DLGAP2: variants seen among roughly 807,000 people sequenced by gnomAD.
The protein encoded by DLGAP2 is disks large-associated protein 2.
A neutral mutation model predicts 100.3 loss-of-function variants in DLGAP2; 26 were observed. The ratio of observed to expected loss-of-function variants is 0.26; its 90% CI spans 0.19 to 0.36. The LOEUF (loss-of-function observed/expected upper bound fraction) is 0.36. Among genes scored for constraint, DLGAP2 ranks in the 10% least tolerant of loss-of-function variants. The pLI, the probability that DLGAP2 is intolerant of heterozygous loss-of-function variation, is 1.00. For missense variants in DLGAP2, 1,858 were observed against 1,453.2 expected, an observed-to-expected ratio of 1.28 and a Z score of -4.53; for synonymous variants, 886 against 630.1, an observed-to-expected ratio of 1.41 and a Z score of -6.08.
chr8:853,370 G>C (rs111492642), intron 1 of DLGAP2, among the ~76,000 whole-genome samples: 3 of 152,360 alleles, frequency 2.0e-5, no homozygotes, highest in Non-Finnish European at 2.9e-5. Flanking sequence ...CAGGAAGCTT[G>C]TGAGAGACAC....
chr8:1,181,310 C>G (rs1797382332), intron 2 of DLGAP2, among the ~76,000 whole-genome samples: 1 of 152,212 alleles, frequency 6.6e-6, no homozygotes, highest in East Asian at 1.9e-4. Context: ...GTTTCGTGGT[C>G]TGTAGAAAAA....
At chr8:1,648,853 G>T (rs2472093) in intron 8 of DLGAP2, among the ~76,000 whole-genome samples, 1 of 152,182 alleles carries the variant, frequency 6.6e-6, no homozygotes, top group Non-Finnish European at 1.5e-5. Flanking sequence ...TCCTCCCATA[G>T]AAATCTCTGA....
At chr8:1,265,841 T>A (rs559629648) in intron 3 of DLGAP2, among the ~76,000 whole-genome samples, 1 of 151,958 alleles carries the variant, frequency 6.6e-6, no homozygotes, top group Admixed American at 6.5e-5. Context: ...TAAAGGTGAA[T>A]AGAAGAGTAG....
At position 1,417,726 on chromosome 8, in the gene DLGAP2, G is replaced by GGGGGCC. The variant is rs1796967566; in HGVS notation, c.107-83640_107-83639insGGGGCC. The stretch of plus-strand genomic sequence containing the variant: ...TCCTGCCTCACTCGGCGAGGCTCCA[G>GGGGGCC]ACACAGAAGCCCACGGAGACCTATG... On this transcript the variant is annotated intron_variant, in intron 3 of 14. Coordinates refer to ENST00000637795, the MANE Select transcript of DLGAP2 (RefSeq NM_001346810.2). 1.2e-3 allele frequency among the ~76,000 whole-genome samples: 173 copies of GGGGGCC among 142,388 alleles called. 10 individuals carry two copies. The highest frequency in any genetic ancestry group is 3.8e-3 in the Middle Eastern group (1 of 264). 93.4% of individuals were successfully genotyped at this position (142,388 alleles called of 152,430 possible).
At chr8:1,365,149 A>G (rs1308532335) in intron 3 of DLGAP2, among the ~76,000 whole-genome samples, 1 of 152,194 alleles carries the variant, frequency 6.6e-6, no homozygotes, top group Non-Finnish European at 1.5e-5. Flanking sequence ...AGACAAAGCC[A>G]TCTGTGGTTC....
chr8:923,063 C>T (rs1798746877), intron 2 of DLGAP2, among the ~76,000 whole-genome samples: 1 of 152,134 alleles, frequency 6.6e-6, no homozygotes, highest in East Asian at 1.9e-4. Flanking sequence ...ATGTTAAAAG[C>T]TATGTCAAAC....
At chr8:1,513,640 T>C (rs1414908345) in intron 4 of DLGAP2, among the ~76,000 whole-genome samples, 3 of 152,238 alleles carry the variant, frequency 2.0e-5, no homozygotes, top group African/African-American at 7.2e-5. Context: ...GCCCTCCTGG[T>C]CGTGTATGTA....
chr8:1,549,063 C>T lies in DLGAP2; in HGVS notation c.610C>T (p.Arg204Trp), dbSNP rs769499098. Residue 204 changes from arginine to tryptophan, a missense_variant, in exon 5 of 15, where the codon CGG becomes TGG. Physicochemically the swap from Arg to Trp is moderately radical, Grantham distance 101 (BLOSUM62 -3). Coordinates refer to ENST00000637795, the MANE Select transcript of DLGAP2 (RefSeq NM_001346810.2). ...GTTCGAGAAGCAGCTGCCGCTGCAC[C>T]GGGACGGCTTCCACACGCTGCAGTA... Reference protein sequence around the residue: ...DQFEKQLPLHRDGFHTLQYQR... With the variant: ...DQFEKQLPLHWDGFHTLQYQR... 6.3e-7 allele frequency: 1 copy of T among 1,589,854 alleles called. No individual in the cohort carries two copies. Among genetic ancestry groups the T allele is most frequent in the Middle Eastern group, 1.7e-4 (1 of 6,044 alleles).
intron 2 of DLGAP2, among the ~76,000 whole-genome samples, chr8:1,180,733 C>T (rs1797367194): frequency 6.8e-6 from 1 of 146,560 alleles, no homozygotes; most frequent in South Asian, 2.2e-4. Context: ...GCACACTTAC[C>T]ATTGAGTCTG....
At chr8:748,967 C>T (rs918293510) in intron 1 of DLGAP2, among the ~76,000 whole-genome samples, 4 of 152,214 alleles carry the variant, frequency 2.6e-5, no homozygotes, top group South Asian at 2.1e-4. Context: ...GGTGGTATAA[C>T]GGGAGGTGAG....
chr8:1,522,783 A>T (rs549464991), intron 4 of DLGAP2, among the ~76,000 whole-genome samples: 1 of 152,194 alleles, frequency 6.6e-6, no homozygotes, highest in Non-Finnish European at 1.5e-5. Context: ...AAATAAATGA[A>T]TCAGGTTAAT....
intron 13 of DLGAP2, among the ~76,000 whole-genome samples, chr8:1,696,426 G>A (rs1380691868): frequency 3.9e-5 from 6 of 152,166 alleles, no homozygotes; most frequent in Non-Finnish European, 5.9e-5. Context: ...CTTCAGCCCA[G>A]GAGGTAGAGG....
At chr8:1,495,856 G>C (rs1169041062) in intron 3 of DLGAP2, among the ~76,000 whole-genome samples, 1 of 152,184 alleles carries the variant, frequency 6.6e-6, no homozygotes, top group Non-Finnish European at 1.5e-5. Context: ...TAAATAGCGC[G>C]TGTCCATCTG....
At chr8:1,285,479 TG>T (rs1799903054) in intron 3 of DLGAP2, among the ~76,000 whole-genome samples, 2 of 152,206 alleles carry the variant, frequency 1.3e-5, no homozygotes, top group African/African-American at 4.8e-5. Context: ...CTGGAGATGA[TG>T]GAAGGCCTGT....
intron 1 of DLGAP2, among the ~76,000 whole-genome samples, chr8:854,860 T>G (rs1221195772): frequency 1.3e-5 from 2 of 152,160 alleles, no homozygotes; most frequent in Non-Finnish European, 2.9e-5. Flanking sequence ...GCTTCCCACA[T>G]GGGAAATGCT....
At chr8:1,618,702 C>T (rs574552914) in intron 6 of DLGAP2, among the ~76,000 whole-genome samples, 19 of 152,266 alleles carry the variant, frequency 1.2e-4, no homozygotes, top group African/African-American at 4.3e-4. Flanking sequence ...AGAAAAGGGT[C>T]TCTCAGCCTC....
At chr8:1,221,201 A>G (rs895963011) in intron 2 of DLGAP2, among the ~76,000 whole-genome samples, 2 of 152,164 alleles carry the variant, frequency 1.3e-5, no homozygotes, top group African/African-American at 2.4e-5. Context: ...TCAGTGGACT[A>G]TGTACTTATG....
intron 4 of DLGAP2, among the ~76,000 whole-genome samples, chr8:1,544,326 AT>A (rs1350281810): frequency 1.3e-5 from 2 of 152,116 alleles, no homozygotes; most frequent in Non-Finnish European, 2.9e-5. Context: ...AATACAATTG[AT>A]TTTTTATTTT....
At chr8:806,809 A>T (rs1174666378) in intron 1 of DLGAP2, among the ~76,000 whole-genome samples, 3 of 152,228 alleles carry the variant, frequency 2.0e-5, no homozygotes, top group Non-Finnish European at 4.4e-5. Flanking sequence ...CTTATTAAAG[A>T]GGTTATATAA....
Sources: gnomAD v4.1 joint callset for allele counts (sites outside exome capture counted in the v4.1 genomes callset) on GRCh38, gnomAD v4.1.1 for gene constraint, MANE v1.5 for transcripts, NCBI Gene and HGNC (gene_info 2026-07-23, HGNC 2026-07-21) for gene names.